The following SNRNP40 variants were observed in gnomAD, a reference collection of about 807,000 sequenced individuals.
SNRNP40 encodes small nuclear ribonucleoprotein U5 subunit 40.
Under a neutral mutation model 45.8 loss-of-function variants are expected in SNRNP40, and 21 were observed. The observed-to-expected ratio is 0.46, with a 90% CI of 0.32 to 0.66. The LOEUF (loss-of-function observed/expected upper bound fraction) is 0.66, where lower values mean the gene tolerates loss of function less well. Ranked by LOEUF, SNRNP40 falls within the 30% of genes least tolerant of loss-of-function variation. The pLI is 0.03. For synonymous variants in SNRNP40, 142 were observed against 163.8 expected, an observed-to-expected ratio of 0.87 and a Z score of 1.01; for missense variants, 344 against 439.1, an observed-to-expected ratio of 0.78 and a Z score of 1.94.
intron 2 of SNRNP40, among the ~76,000 whole-genome samples, chr1:31,292,474 T>C (rs1451841763): frequency 1.3e-5 from 2 of 152,206 alleles, no homozygotes; most frequent in African/African-American, 4.8e-5. Context: ...ATCCAGACGT[T>C]TGGCCACTAG....
At chr1:31,272,440 G>A (rs752131159) in intron 5 of SNRNP40, among the ~76,000 whole-genome samples, 8 of 152,172 alleles carry the variant, frequency 5.3e-5, no homozygotes, top group African/African-American at 2.4e-5. Context: ...TAAGCACATT[G>A]CAAAACTGAA....
intron 4 of SNRNP40, among the ~76,000 whole-genome samples, chr1:31,284,649 T>C (rs1393389473): frequency 6.6e-6 from 1 of 152,174 alleles, no homozygotes; most frequent in Non-Finnish European, 1.5e-5. Context: ...TTTAAAGGGC[T>C]GGCATCAAAA....
At chr1:31,283,000 G>C (rs1057215990) in intron 4 of SNRNP40, among the ~76,000 whole-genome samples, 1 of 152,092 alleles carries the variant, frequency 6.6e-6, no homozygotes, top group Non-Finnish European at 1.5e-5. Flanking sequence ...TAGACCACTT[G>C]CATGTCCAGG....
intron 4 of SNRNP40, among the ~76,000 whole-genome samples, chr1:31,287,773 G>A (rs934762623): frequency 1.3e-5 from 2 of 152,170 alleles, no homozygotes; most frequent in African/African-American, 2.4e-5. Flanking sequence ...GCCGAGGGGG[G>A]CGGATCACAA....
intron 3 of SNRNP40, 108 bp from the exon 4 acceptor site, chr1:31,289,527 C>T (rs1532858): frequency 0.77 from 717,454 of 934,038 alleles, 278,725 homozygotes; most frequent in African/African-American, 0.82. Flanking sequence ...CACTGACCTG[C>T]TGTGCTACGC....
chr1:31,263,018 T>C (rs1229220495), intron 8 of SNRNP40, among the ~76,000 whole-genome samples: 1 of 151,110 alleles, frequency 6.6e-6, no homozygotes, highest in Non-Finnish European at 1.5e-5. Context: ...AAAAAAATTA[T>C]GTTTTTTTTC....
At chr1:31,269,388 G>A in intron 6 of SNRNP40, 148 bp from the exon 7 acceptor site, 16 of 1,413,722 alleles carry the variant, frequency 1.1e-5, no homozygotes, top group Non-Finnish European at 1.5e-5. Flanking sequence ...ACTGCTACCT[G>A]TTAAGGCTCT....
chr1:31,288,817 C>T (rs1377710662), intron 4 of SNRNP40, among the ~76,000 whole-genome samples: 1 of 152,140 alleles, frequency 6.6e-6, no homozygotes, highest in Non-Finnish European at 1.5e-5. Context: ...CTGCAAGCTC[C>T]ACCTCCCGGG....
At chr1:31,261,841 T>G in intron 8 of SNRNP40, 1 of 424,904 alleles carries the variant, frequency 2.4e-6, no homozygotes, top group Non-Finnish European at 4.2e-6. Context: ...TAAGAATAAC[T>G]AAAAATATAA....
At chr1:31,280,915 G>A (rs1461734651) in intron 5 of SNRNP40, among the ~76,000 whole-genome samples, 2 of 152,106 alleles carry the variant, frequency 1.3e-5, no homozygotes, top group African/African-American at 4.8e-5. Flanking sequence ...ACACTCTACT[G>A]CCATATGGTC....
chr1:31,273,101 T>C (rs926338403), intron 5 of SNRNP40, among the ~76,000 whole-genome samples: 3 of 152,250 alleles, frequency 2.0e-5, no homozygotes, highest in South Asian at 4.1e-4. Flanking sequence ...ACATTTTCTA[T>C]ACGATCATTT....
intron 4 of SNRNP40, 145 bp from the exon 5 acceptor site, chr1:31,281,641 A>G: frequency 3.3e-6 from 2 of 605,816 alleles, no homozygotes; most frequent in Non-Finnish European, 5.2e-6. Flanking sequence ...GGATATCCTA[A>G]TAACACACAT....
At chr1:31,292,059 T>C in intron 2 of SNRNP40, 53 bp from the exon 3 acceptor site, 2 of 1,240,608 alleles carry the variant, frequency 1.6e-6, no homozygotes, top group Non-Finnish European at 1.2e-6. Context: ...TACTTATAAA[T>C]TTATCAGAAC....
chr1:31,280,307 C>A (rs1431278708), intron 5 of SNRNP40, among the ~76,000 whole-genome samples: 2 of 151,404 alleles, frequency 1.3e-5, no homozygotes, highest in Admixed American at 6.6e-5. Context: ...GGATTACAGG[C>A]ACACCACCAT....
intron 4 of SNRNP40, 116 bp downstream of exon 4, chr1:31,289,137 TG>T (rs1646084124): frequency 1.2e-6 from 1 of 848,212 alleles, no homozygotes; most frequent in Admixed American, 2.6e-5. Context: ...AAGTGTGTTA[TG>T]GGAGATGACT....
rs190718241 is a variant in SNRNP40 at position 31,269,705 on chromosome 1, G to C, written c.776-465C>G. The stretch of plus-strand genomic sequence containing the variant: ...GATAGTCTAAGACTGGACAAGGTCA[G>C]ATATATATAAAATATATAAAAGGTC... On this transcript the variant is annotated intron_variant, in intron 6 of 9. Transcript: ENST00000263694. 1.9e-3 allele frequency: 368 copies of C among 195,354 alleles called. 5 individuals carry two copies. The highest frequency in any genetic ancestry group is 6.9e-4 in the Non-Finnish European group (67 of 97,272). The allele number at this position is 195,354 out of a possible 1,614,324, so 12.1% of individuals were successfully genotyped here.
chr1:31,269,453 G>A, intron 6 of SNRNP40: 2 of 1,219,274 alleles, frequency 1.6e-6, no homozygotes, highest in Non-Finnish European at 2.1e-6. Flanking sequence ...GGCTAGCTGA[G>A]GGGGCAGGAA....
At chr1:31,285,162 T>C (rs768107962) in intron 4 of SNRNP40, among the ~76,000 whole-genome samples, 6 of 152,144 alleles carry the variant, frequency 3.9e-5, no homozygotes, top group Admixed American at 6.5e-5. Context: ...CATAAATTTA[T>C]AGAAAACTTG....
In SNRNP40 at chr1:31,260,134, G is replaced by T; in HGVS notation, c.1025-13C>A. The T allele has an allele frequency of 6.4e-7, 1 of 1,564,916 alleles. No homozygotes were observed. The highest frequency in any genetic ancestry group is 8.7e-7 in the Non-Finnish European group (1 of 1,153,518). On this transcript the variant is annotated splice_polypyrimidine_tract_variant and intron_variant, in intron 9 of 9. Coordinates refer to ENST00000263694, the MANE Select transcript of SNRNP40 (RefSeq NM_004814.3). ...GATGCTGAGATAACTGAGGTAAAAA[G>T]AACAGATAACTAGAAATAATGAAGG...
Sources: allele counts gnomAD v4.1 joint callset (sites outside exome capture counted in the v4.1 genomes callset), GRCh38; gene constraint gnomAD v4.1.1; transcripts MANE v1.5; gene names NCBI Gene and HGNC (gene_info 2026-07-23, HGNC 2026-07-21).